Variants in DPP6 observed in about 807,000 individuals in gnomAD.
DPP6 encodes A-type potassium channel modulatory protein DPP6.
Under a neutral mutation model 122.6 loss-of-function variants are expected in DPP6, and 69 were observed. The ratio of observed to expected loss-of-function variants is 0.56; its 90% CI spans 0.46 to 0.69. DPP6 has a LOEUF of 0.69. Among genes scored for constraint, DPP6 ranks in the 30% least tolerant of loss-of-function variants. The probability of loss-of-function intolerance (pLI) is 0.00; values close to 1 mark genes in which losing one functional copy is unlikely to be tolerated. For missense variants in DPP6, 928 were observed against 1,116.9 expected (o/e 0.83, Z 2.41); for synonymous variants, 418 against 433.1 (o/e 0.97, Z 0.43).
intron 8 of DPP6, among the ~76,000 whole-genome samples, chr7:154,756,650 T>C (rs964696843): frequency 6.6e-6 from 1 of 152,082 alleles, no homozygotes; most frequent in African/African-American, 2.4e-5. Context: ...CTTAAGGTGC[T>C]GTGTTCCCAC....
At chr7:154,014,574 A>G (rs1798309267) in intron 1 of DPP6, among the ~76,000 whole-genome samples, 1 of 151,808 alleles carries the variant, frequency 6.6e-6, no homozygotes, top group African/African-American at 2.4e-5. Context: ...AGAATCGCTT[A>G]TTGCTTGAAC....
chr7:154,314,941 C>A (rs536933674), intron 1 of DPP6, among the ~76,000 whole-genome samples: 20 of 152,296 alleles, frequency 1.3e-4, no homozygotes, highest in African/African-American at 4.8e-4. Flanking sequence ...TAAATCAAAC[C>A]TACTGCGGTT....
chr7:154,556,934 T>G (rs917158494), intron 4 of DPP6, among the ~76,000 whole-genome samples: 43 of 149,070 alleles, frequency 2.9e-4, no homozygotes, highest in African/African-American at 1.0e-3. Context: ...GATGTTTTTT[T>G]GCATTCACTA....
At chr7:154,210,679 G>A (rs942416597) in intron 1 of DPP6, among the ~76,000 whole-genome samples, 7 of 152,240 alleles carry the variant, frequency 4.6e-5, no homozygotes, top group African/African-American at 1.7e-4. Context: ...AGCCCTGAGG[G>A]TATAGGCAAA....
chr7:153,936,109 C>G (rs1385816909), intron 1 of DPP6, among the ~76,000 whole-genome samples: 1 of 152,196 alleles, frequency 6.6e-6, no homozygotes, highest in South Asian at 2.1e-4. Flanking sequence ...GTACCGGCAT[C>G]TGCGCTCTAA....
intron 1 of DPP6, among the ~76,000 whole-genome samples, chr7:153,920,225 G>GTCA (rs927485978): frequency 6.6e-6 from 1 of 152,066 alleles, no homozygotes; most frequent in Non-Finnish European, 1.5e-5. Context: ...CTGCAGACAT[G>GTCA]TCACTGGGTT....
chr7:153,980,463 G>C (rs1002180733), intron 1 of DPP6, among the ~76,000 whole-genome samples: 12 of 151,708 alleles, frequency 7.9e-5, no homozygotes, highest in Non-Finnish European at 1.5e-4. Flanking sequence ...CTGGTTAGTG[G>C]TCTATCTATT....
At chr7:154,120,698 A>C (rs1585418342) in intron 1 of DPP6, among the ~76,000 whole-genome samples, 1 of 152,244 alleles carries the variant, frequency 6.6e-6, no homozygotes, top group East Asian at 1.9e-4. Context: ...CTTTCTAAAC[A>C]TGAAAATACA....
chr7:154,627,269 T>C (rs1454104381), intron 5 of DPP6, among the ~76,000 whole-genome samples: 3 of 148,256 alleles, frequency 2.0e-5, no homozygotes, highest in Non-Finnish European at 4.5e-5. Flanking sequence ...GATCTCGGCT[T>C]ACTGCAAGCT....
intron 6 of DPP6, among the ~76,000 whole-genome samples, chr7:154,647,613 C>T (rs966906951): frequency 9.2e-5 from 14 of 152,106 alleles, no homozygotes; most frequent in Admixed American, 9.2e-4. Flanking sequence ...CCCTGGGCTC[C>T]CTCTGGTGAG....
intron 1 of DPP6, among the ~76,000 whole-genome samples, chr7:153,935,350 A>G (rs973362605): frequency 1.3e-5 from 2 of 152,062 alleles, no homozygotes; most frequent in South Asian, 2.1e-4. Context: ...AGCGTTAGTC[A>G]TGTGCCCTCA....
chr7:154,693,624 C>T (rs1000811092), intron 7 of DPP6, among the ~76,000 whole-genome samples: 9 of 152,236 alleles, frequency 5.9e-5, no homozygotes, highest in Middle Eastern at 3.4e-3. Context: ...TCTGAACCCG[C>T]GGAGCCCTGA....
intron 1 of DPP6, among the ~76,000 whole-genome samples, chr7:154,333,374 T>C (rs1809123765): frequency 6.6e-6 from 1 of 152,160 alleles, no homozygotes; most frequent in Admixed American, 6.5e-5. Flanking sequence ...TTTTAGAAGC[T>C]CTAGACTGGT....
chr7:154,111,698 C>G (rs1354476672), intron 1 of DPP6, among the ~76,000 whole-genome samples: 1 of 150,744 alleles, frequency 6.6e-6, no homozygotes, highest in African/African-American at 2.4e-5. Flanking sequence ...AATTAGATGT[C>G]TCTTCTGATC....
intron 1 of DPP6, among the ~76,000 whole-genome samples, chr7:154,004,283 C>A (rs961842794): frequency 1.8e-4 from 28 of 152,258 alleles, no homozygotes; most frequent in African/African-American, 5.1e-4. Flanking sequence ...ACTGGAGGAG[C>A]AGCACCTGCT....
At chr7:154,082,049 CT>C (rs1223062103) in intron 1 of DPP6, among the ~76,000 whole-genome samples, 1 of 152,068 alleles carries the variant, frequency 6.6e-6, no homozygotes. Flanking sequence ...GCTTGGAGGA[CT>C]TCAACCCTCT....
the DPP6 span, among the ~76,000 whole-genome samples, chr7:153,768,185 G>A: frequency 6.8e-6 from 1 of 147,656 alleles, no homozygotes; most frequent in Admixed American, 6.8e-5. Flanking sequence ...CTGTGGAAAG[G>A]GAATTTTTAA....
chr7:153,915,578 G>A (rs956230551), intron 1 of DPP6, among the ~76,000 whole-genome samples: 5 of 152,174 alleles, frequency 3.3e-5, no homozygotes, highest in Admixed American at 1.3e-4. Context: ...TTAAAGAGAC[G>A]AGATAGCTCT....
the DPP6 span, among the ~76,000 whole-genome samples, chr7:153,787,756 A>G: frequency 6.6e-6 from 1 of 151,814 alleles, no homozygotes; most frequent in East Asian, 1.9e-4. Flanking sequence ...CTCTAAAACA[A>G]TAAAAATAAA....
Sources: gnomAD v4.1 joint callset for allele counts (sites outside exome capture counted in the v4.1 genomes callset) on GRCh38, gnomAD v4.1.1 for gene constraint, MANE v1.5 for transcripts, NCBI Gene and HGNC (gene_info 2026-07-23, HGNC 2026-07-21) for gene names.